EBF2: variants seen among roughly 807,000 people sequenced by gnomAD.
EBF2 encodes EBF transcription factor 2.
A neutral mutation model predicts 72.8 loss-of-function variants in EBF2; 21 were observed. That is an observed-to-expected ratio of 0.29 (90% CI 0.20 to 0.42). The LOEUF (loss-of-function observed/expected upper bound fraction) is 0.42. Ranked by LOEUF, EBF2 falls within the 10% of genes least tolerant of loss-of-function variation. EBF2 has a pLI of 1.00. For missense variants in EBF2, 637 were observed against 731.2 expected, an observed-to-expected ratio of 0.87 and a Z score of 1.49; for synonymous variants, 299 against 274.2, an observed-to-expected ratio of 1.09 and a Z score of -0.89.
At chr8:25,849,110 C>CA (rs1322551122) in intron 15 of EBF2, among the ~76,000 whole-genome samples, 8 of 152,152 alleles carry the variant, frequency 5.3e-5, no homozygotes, top group Admixed American at 2.0e-4. Context: ...AAATCCCTGC[C>CA]AAAAAATCCA....
Position 25,915,608 on chromosome 8 carries a change from G to GAAA in EBF2, c.552-7056_552-7054dup, listed in dbSNP as rs34778900. On this transcript the variant is annotated intron_variant, in intron 6 of 15. Coordinates refer to ENST00000520164, the MANE Select transcript of EBF2 (RefSeq NM_022659.4). ...TAGCCCAAATAGCTTCAGCCTTTTG[G>GAAA]AAAAAAAAAAAAAAAAAAGGTTACT... 3.9e-4 allele frequency among the ~76,000 whole-genome samples: 51 copies of GAAA among 130,942 alleles called. 1 individual carries two copies. The highest frequency in any genetic ancestry group is 8.5e-4 in the African/African-American group (29 of 33,952). 85.9% of individuals were successfully genotyped at this position (130,942 alleles called of 152,430 possible).
At chr8:25,884,368 TGGAGA>T (rs1370689624) in intron 10 of EBF2, among the ~76,000 whole-genome samples, 2 of 151,978 alleles carry the variant, frequency 1.3e-5, no homozygotes, top group African/African-American at 4.8e-5. Flanking sequence ...GGAATGTGGA[TGGAGA>T]GGAGAGGAGG....
chr8:25,950,889 A>G (rs910941387), intron 6 of EBF2, among the ~76,000 whole-genome samples: 7 of 152,338 alleles, frequency 4.6e-5, no homozygotes, highest in African/African-American at 1.7e-4. Flanking sequence ...AAGGAAGCAG[A>G]GTTTTAAAAA....
At chr8:26,041,078 C>T (rs531536467) in intron 2 of EBF2, 76 bp from the exon 3 acceptor site, 11 of 1,521,330 alleles carry the variant, frequency 7.2e-6, no homozygotes, top group Non-Finnish European at 1.0e-5. Flanking sequence ...CAGTGAATCC[C>T]CACCTCACAT....
chr8:26,029,720 G>A (rs1201044298), intron 6 of EBF2, among the ~76,000 whole-genome samples: 1 of 152,148 alleles, frequency 6.6e-6, no homozygotes, highest in Non-Finnish European at 1.5e-5. Flanking sequence ...TAGGAACAAG[G>A]ACAAGGAACA....
Position 26,044,265 on chromosome 8 carries a change from T to A in EBF2, c.131+464A>T, listed in dbSNP as rs1805661556. ...CCCTCTGGCCGCCGGCCTCCCAGGCTCCAGGAATCGCCCAGCAAGATGCGG... is the reference window on the plus strand; with the variant it reads ...CCCTCTGGCCGCCGGCCTCCCAGGCACCAGGAATCGCCCAGCAAGATGCGG... On this transcript the variant is annotated intron_variant, in intron 1 of 15. Coordinates refer to ENST00000520164, the MANE Select transcript of EBF2 (RefSeq NM_022659.4). The surrounding 1 kb of genome is among the most constrained non-coding windows in gnomAD (Gnocchi z 4.1). Among the ~76,000 whole-genome samples, 1 of 152,038 alleles carries A rather than the reference T, an allele frequency of 6.6e-6. No individual in the cohort carries two copies.
intron 1 of EBF2, among the ~76,000 whole-genome samples, chr8:26,043,885 T>C (rs1342424788): frequency 1.3e-5 from 2 of 152,196 alleles, no homozygotes; most frequent in African/African-American, 4.8e-5. Flanking sequence ...GGGACCGTAA[T>C]GTCTTCGTAG....
chr8:25,891,211 T>TG (rs1384024872), intron 7 of EBF2, among the ~76,000 whole-genome samples: 2 of 151,246 alleles, frequency 1.3e-5, no homozygotes, highest in Non-Finnish European at 2.9e-5. Context: ...AGATCAGGGG[T>TG]GGGGGAGAAG....
At chr8:25,848,514 G>A (rs956944896) in intron 15 of EBF2, among the ~76,000 whole-genome samples, 1 of 152,068 alleles carries the variant, frequency 6.6e-6, no homozygotes, top group Non-Finnish European at 1.5e-5. Context: ...GGGAGTCTTG[G>A]GCATGCAGCA....
intron 6 of EBF2, among the ~76,000 whole-genome samples, chr8:26,003,368 G>A (rs1466566): frequency 0.97 from 147,630 of 152,296 alleles, 71,561 homozygotes; most frequent in East Asian, 1. Flanking sequence ...CAGAGTTTTC[G>A]AAATGTTTCT....
intron 6 of EBF2, among the ~76,000 whole-genome samples, chr8:25,950,742 T>A (rs1302221615): frequency 6.6e-6 from 1 of 152,346 alleles, no homozygotes; most frequent in Non-Finnish European, 1.5e-5. Context: ...ATCTTTGGGT[T>A]TGGGCAAACT....
Position 25,886,828 on chromosome 8 carries a change from G to T in EBF2, c.936C>A (p.Gly312=). 2 of 1,613,380 alleles carry T rather than the reference G, an allele frequency of 1.2e-6. No homozygotes were observed. The highest frequency in any genetic ancestry group is 1.7e-6 in the Non-Finnish European group (2 of 1,179,632). ...RVQTPPRHIP[G]VVEVTLSYKS... ...TATAAGATAATGTCACCTCTACCAC[G>T]CCTGGGATGTGCCGGGGAGGAGTCT... The change falls in exon 10 of 16, where the codon GGC becomes GGA. Residue 312 remains glycine, a synonymous_variant. Coordinates refer to ENST00000520164, the MANE Select transcript of EBF2 (RefSeq NM_022659.4).
At chr8:26,027,933 A>G (rs536911811) in intron 6 of EBF2, among the ~76,000 whole-genome samples, 2 of 152,266 alleles carry the variant, frequency 1.3e-5, no homozygotes, top group East Asian at 1.9e-4. Context: ...CATTAAATAC[A>G]ATGGTGGTTT....
At chr8:26,010,090 G>A (rs535914758) in intron 6 of EBF2, among the ~76,000 whole-genome samples, 1 of 152,152 alleles carries the variant, frequency 6.6e-6, no homozygotes, top group South Asian at 2.1e-4. Flanking sequence ...AAGTCGGGGG[G>A]AACAGAAAGA....
At chr8:25,993,012 C>T (rs1804569911) in intron 6 of EBF2, among the ~76,000 whole-genome samples, 1 of 152,146 alleles carries the variant, frequency 6.6e-6, no homozygotes, top group African/African-American at 2.4e-5. Flanking sequence ...AGTTGATCCA[C>T]CACCTTTCCC....
rs374360803 is a variant in EBF2, at chr8:25,908,493, C to T, written c.614G>A (p.Arg205Lys). 1 of 1,613,460 alleles carries T rather than the reference C, an allele frequency of 6.2e-7. No homozygotes were observed. Among genetic ancestry groups the T allele is most frequent in the Non-Finnish European group, 8.5e-7 (1 of 1,179,632 alleles). ...CCTTACCTGAAACCGTCTCATGTCC[C>T]TTGGGTTTCCTGCTGTTTTCAAACA... is the stretch of plus-strand genomic sequence containing the variant. ...QNCLKTAGNPRDMRRFQVVLS... is the reference protein window; with the variant it reads ...QNCLKTAGNPKDMRRFQVVLS... The change falls in exon 7 of 16, where the codon AGG becomes AAG. Residue 205 changes from arginine (R) to lysine (K), a missense_variant. Transcript: ENST00000520164.
chr8:25,932,324 T>G (rs9792401), intron 6 of EBF2, among the ~76,000 whole-genome samples: 79,197 of 151,042 alleles, frequency 0.52, 23,924 homozygotes, highest in East Asian at 0.74. Flanking sequence ...GGAAACAGGT[T>G]GAAATTGATG....
At position 26,037,427 on chromosome 8, in the gene EBF2, C is replaced by A. The variant is rs17818981; in HGVS notation, c.482+2601G>T. Among the ~76,000 whole-genome samples the A allele has an allele frequency of 6.6e-5, 10 of 152,122 alleles. 1 individual carries two copies. In the South Asian group the frequency reaches 2.1e-3, roughly 32 times the overall value. On this transcript the variant is annotated intron_variant, in intron 5 of 15. Transcript: ENST00000520164. ...GTCTCTAATTTCAAACTCAAATAAG[C>A]GCACAGCATGGTGGCTTTTGTTTTG...
chr8:25,946,924 G>GT (rs145143555), intron 6 of EBF2, among the ~76,000 whole-genome samples: 3,674 of 152,258 alleles, frequency 0.024, 133 homozygotes, highest in African/African-American at 0.083. Flanking sequence ...ACAGAGTTAC[G>GT]TTTTTTTGTG....
Sources: allele counts gnomAD v4.1 joint callset (sites outside exome capture counted in the v4.1 genomes callset), GRCh38; gene constraint gnomAD v4.1.1; non-coding constraint Gnocchi (gnomAD v3.1); transcripts MANE v1.5; gene names NCBI Gene and HGNC (gene_info 2026-07-23, HGNC 2026-07-21).